Variants in EPB41L1 observed in about 807,000 individuals in gnomAD.
EPB41L1 encodes the protein erythrocyte membrane protein band 4.1 like 1.
EPB41L1 carries 29 observed loss-of-function variants against 97.8 expected under a neutral mutation model. That is an observed-to-expected ratio of 0.30 (90% CI 0.22 to 0.40). EPB41L1 has a LOEUF of 0.40. Ranked by LOEUF, EPB41L1 falls within the 10% of genes least tolerant of loss-of-function variation. The probability of loss-of-function intolerance (pLI) is 1.00; values close to 1 mark genes in which losing one functional copy is unlikely to be tolerated. For synonymous variants in EPB41L1, 383 were observed against 459.2 expected (o/e 0.83, Z 2.12); for missense variants, 812 against 1,162.3 (o/e 0.70, Z 4.38).
Position 36,232,645 on chromosome 20 carries a change from C to A in EPB41L1, c.*3305C>A. The A allele has an allele frequency of 2.5e-6, 1 of 399,078 alleles. No individual in the cohort carries two copies. The highest frequency in any genetic ancestry group is 4.4e-6 in the Non-Finnish European group (1 of 226,108). 24.7% of individuals were successfully genotyped at this position (399,078 alleles called of 1,614,324 possible). ...TTTTTTTCAAAAGCACCTTAACAAC[C>A]AATTGCGATGCTGTCCTGTTCCTTT... On this transcript the variant is annotated 3_prime_UTR_variant, in exon 22 of 22. Transcript: ENST00000338074.
intron 1 of EPB41L1, among the ~76,000 whole-genome samples, chr20:36,102,797 T>C (rs2058060093): frequency 6.6e-6 from 1 of 152,056 alleles, no homozygotes; most frequent in Admixed American, 6.6e-5. Context: ...TCCCTTTCCG[T>C]CCCCACTCAC....
At chr20:36,222,056 T>C (rs2063813694) in intron 20 of EPB41L1, 112 bp downstream of exon 20, 1 of 1,211,550 alleles carries the variant, frequency 8.3e-7, no homozygotes, top group Middle Eastern at 1.9e-4. Context: ...GTCCACTTCT[T>C]GCTGACCCTG....
intron 2 of EPB41L1, among the ~76,000 whole-genome samples, chr20:36,147,386 A>G (rs1162668379): frequency 6.6e-6 from 1 of 152,222 alleles, no homozygotes; most frequent in African/African-American, 2.4e-5. Context: ...TGAACAGAAT[A>G]TGTCAGTATC....
chr20:36,096,279 G>A (rs1043084012), intron 1 of EPB41L1, among the ~76,000 whole-genome samples: 3 of 152,150 alleles, frequency 2.0e-5, no homozygotes, highest in African/African-American at 7.2e-5. Context: ...TAGGAATTCT[G>A]CTTTCAAGTC....
intron 2 of EPB41L1, 101 bp from the exon 3 acceptor site, chr20:36,175,450 G>C (rs1265573214): frequency 7.1e-7 from 1 of 1,402,204 alleles, no homozygotes; most frequent in Middle Eastern, 1.8e-4. Flanking sequence ...TCATTCTGGG[G>C]TCTGTCTTGG....
intron 1 of EPB41L1, among the ~76,000 whole-genome samples, chr20:36,095,059 C>A (rs2057785534): frequency 6.6e-6 from 1 of 152,082 alleles, no homozygotes; most frequent in Non-Finnish European, 1.5e-5. Context: ...GCAACCTCCT[C>A]CTCCTGGGTT....
chr20:36,213,588 T>C (rs2146895154), intron 16 of EPB41L1, among the ~76,000 whole-genome samples: 1 of 152,318 alleles, frequency 6.6e-6, no homozygotes, highest in East Asian at 1.9e-4. Flanking sequence ...CTGACCTGTT[T>C]TGTTTTAGTA....
intron 1 of EPB41L1, 161 bp downstream of exon 1, chr20:36,155,057 A>C (rs1461047920): frequency 2.9e-6 from 2 of 678,332 alleles, no homozygotes; most frequent in East Asian, 6.7e-5. Context: ...GTTCCTCCCT[A>C]CCTACCGGTC....
chr20:36,169,703 C>T (rs935459529), intron 1 of EPB41L1, among the ~76,000 whole-genome samples: 1 of 152,236 alleles, frequency 6.6e-6, no homozygotes, highest in African/African-American at 2.4e-5. Flanking sequence ...CCCTGCATCT[C>T]CTGTCTAAAT....
chr20:36,136,778 C>A (rs1383251431), intron 2 of EPB41L1, among the ~76,000 whole-genome samples: 3 of 150,250 alleles, frequency 2.0e-5, no homozygotes, highest in African/African-American at 4.9e-5. Flanking sequence ...AAATGGGGTT[C>A]TTCTTTTGTT....
chr20:36,123,932 T>G (rs1349023757), intron 2 of EPB41L1, among the ~76,000 whole-genome samples: 1 of 152,192 alleles, frequency 6.6e-6, no homozygotes, highest in African/African-American at 2.4e-5. Flanking sequence ...CCTTTCCAAG[T>G]GGCAGCCAGA....
At chr20:36,150,802 A>G (rs1343806656), upstream of EPB41L1, 1 of 152,132 alleles carries the variant, frequency 6.6e-6, no homozygotes, top group African/African-American at 2.4e-5. Flanking sequence ...CCTCCACTAG[A>G]TTGATTGTGA....
At chr20:36,170,034 G>A (rs1222710865) in intron 1 of EPB41L1, among the ~76,000 whole-genome samples, 5 of 152,204 alleles carry the variant, frequency 3.3e-5, no homozygotes, top group Admixed American at 2.6e-4. Context: ...CCATGCCCAC[G>A]TGACGGGCTA....
intron 13 of EPB41L1, among the ~76,000 whole-genome samples, chr20:36,196,282 G>A (rs1250120081): frequency 6.6e-6 from 1 of 152,206 alleles, no homozygotes; most frequent in Non-Finnish European, 1.5e-5. Flanking sequence ...TTCAGACTAG[G>A]TTTCTCCAAT....
intron 9 of EPB41L1, among the ~76,000 whole-genome samples, chr20:36,189,815 T>C (rs1237507659): frequency 1.3e-5 from 2 of 152,230 alleles, no homozygotes; most frequent in Non-Finnish European, 2.9e-5. Context: ...CTCTAGTGTT[T>C]AGCACTGGAC....
chr20:36,118,223 G>T (rs887455727), intron 2 of EPB41L1, among the ~76,000 whole-genome samples: 1 of 152,090 alleles, frequency 6.6e-6, no homozygotes, highest in South Asian at 2.1e-4. Context: ...CAGATGGTGC[G>T]TGCCTATAAT....
At chr20:36,111,899 G>A (rs182092723) in intron 1 of EPB41L1, among the ~76,000 whole-genome samples, 1 of 152,158 alleles carries the variant, frequency 6.6e-6, no homozygotes, top group African/African-American at 2.4e-5. Flanking sequence ...TGGACAGCAG[G>A]GGGTATAACC....
At position 36,194,307 on chromosome 20, in the gene EPB41L1, T is replaced by A. The variant is rs759126249; in HGVS notation, c.1396T>A (p.Ser466Thr). ...GGATGGCGAGTCTGGGGGGCAACGG[T>A]CAGAGGCTGAGGAGGGAGAGGTCAG... ...DEDGESGGQRSEAEEGEVRTP... is the reference protein window; with the variant it reads ...DEDGESGGQRTEAEEGEVRTP... The change falls in exon 12 of 22, where the codon TCA becomes ACA. Residue 466 changes from serine to threonine, a missense_variant. Ser to Thr is a moderately conservative substitution (Grantham distance 58). This residue lies in a region of EPB41L1 where 498 missense variants were observed against 622.7 expected (regional missense o/e 0.80). Coordinates refer to ENST00000338074, the MANE Select transcript of EPB41L1 (RefSeq NM_012156.2). The A allele has an allele frequency of 6.2e-7, 1 of 1,614,054 alleles. No homozygotes were observed. The highest frequency in any genetic ancestry group is 1.1e-5 in the South Asian group (1 of 91,056).
At chr20:36,101,191 G>A (rs964639507) in intron 1 of EPB41L1, among the ~76,000 whole-genome samples, 1 of 152,184 alleles carries the variant, frequency 6.6e-6, no homozygotes, top group Admixed American at 6.5e-5. Flanking sequence ...GGGAGGCAGA[G>A]ACCGGAGCCA....
Sources: gnomAD v4.1 joint callset for allele counts (sites outside exome capture counted in the v4.1 genomes callset) on GRCh38, gnomAD v4.1.1 for gene constraint, gnomAD v4.1.1 regional missense constraint, MANE v1.5 for transcripts, NCBI Gene and HGNC (gene_info 2026-07-23, HGNC 2026-07-21) for gene names.